The following GALNT17 variants were observed in gnomAD, a reference collection of about 807,000 sequenced individuals.
GALNT17 encodes the protein polypeptide N-acetylgalactosaminyltransferase 17, also known as UDP-GalNAc:polypeptide N-acetylgalactosaminyltransferase-like 3.
In GALNT17, 29 loss-of-function variants were observed where a neutral mutation model predicts 63.7. The observed-to-expected ratio is 0.46, with a 90% CI of 0.34 to 0.62. The LOEUF is 0.62. Among genes scored for constraint, GALNT17 ranks in the 20% least tolerant of loss-of-function variants. GALNT17 has a pLI of 0.01. For missense variants in GALNT17, 603 were observed against 799.6 expected, an observed-to-expected ratio of 0.75 and a Z score of 2.97; for synonymous variants, 305 against 318.3, an observed-to-expected ratio of 0.96 and a Z score of 0.45.
chr7:71,311,508 CAAAT>C (rs1791413524), intron 1 of GALNT17, among the ~76,000 whole-genome samples: 1 of 152,056 alleles, frequency 6.6e-6, no homozygotes, highest in African/African-American at 2.4e-5. Context: ...TTGTGGTGCC[CAAAT>C]TCAGGAAGAA....
chr7:71,313,913 G>T (rs908277746), intron 1 of GALNT17, among the ~76,000 whole-genome samples: 1 of 152,130 alleles, frequency 6.6e-6, no homozygotes, highest in Non-Finnish European at 1.5e-5. Context: ...TTAGCCTTGG[G>T]AAGGGATTAA....
rs146761444 is a variant in GALNT17 at position 71,340,260 on chromosome 7, A to G, written c.422+4527A>G. On this transcript the variant is annotated intron_variant, in intron 2 of 10. Transcript: ENST00000333538. ...ACTGCCCTTTCTCATCTGGCAGAAT[A>G]TGGGAGGTTTACTCCCTAGAGAAGA... 4.6e-5 allele frequency among the ~76,000 whole-genome samples: 7 copies of G among 152,340 alleles called. No homozygotes were observed. In the East Asian group the frequency reaches 1.4e-3, roughly 29 times the overall value.
At chr7:71,566,796 C>A (rs970042677) in intron 5 of GALNT17, among the ~76,000 whole-genome samples, 1 of 151,450 alleles carries the variant, frequency 6.6e-6, no homozygotes, top group Non-Finnish European at 1.5e-5. Flanking sequence ...ATTGCAAAGA[C>A]ACAAAGGACC....
chr7:71,490,841 A>G (rs1386970658), intron 5 of GALNT17, among the ~76,000 whole-genome samples: 2 of 152,140 alleles, frequency 1.3e-5, no homozygotes, highest in Non-Finnish European at 2.9e-5. Flanking sequence ...TCGAGGCAGC[A>G]GTGAGCTATG....
Position 71,470,078 on chromosome 7 carries a change from A to G in GALNT17, c.962+48973A>G, listed in dbSNP as rs1468649303. 2.6e-5 allele frequency among the ~76,000 whole-genome samples: 4 copies of G among 152,246 alleles called. No individual in the cohort carries two copies. The East Asian group carries it at 7.7e-4, about 29-fold the overall frequency. On this transcript the variant is annotated intron_variant, in intron 5 of 10. Transcript: ENST00000333538. The stretch of plus-strand genomic sequence containing the variant: ...AAAAAACGTAGCCGTGCATGGTGGC[A>G]GATGTCCATAATCCCAGCTACTCAG...
At chr7:71,546,178 T>G (rs1158669569) in intron 5 of GALNT17, among the ~76,000 whole-genome samples, 3 of 151,192 alleles carry the variant, frequency 2.0e-5, no homozygotes, top group African/African-American at 7.3e-5. Flanking sequence ...TTTTTTTTTT[T>G]GAGATAGCAT....
chr7:71,222,505 T>G (rs545499677), intron 1 of GALNT17, among the ~76,000 whole-genome samples: 3 of 152,062 alleles, frequency 2.0e-5, no homozygotes, highest in African/African-American at 7.2e-5. Context: ...TTGTCCAGGC[T>G]GGTCTTGAAC....
At chr7:71,302,818 T>G (rs1202337629) in intron 1 of GALNT17, among the ~76,000 whole-genome samples, 1 of 152,218 alleles carries the variant, frequency 6.6e-6, no homozygotes, top group African/African-American at 2.4e-5. Context: ...ATGCATGTAA[T>G]TAACATACTA....
At chr7:71,245,689 G>A (rs1040932508) in intron 1 of GALNT17, among the ~76,000 whole-genome samples, 1 of 152,122 alleles carries the variant, frequency 6.6e-6, no homozygotes, top group Non-Finnish European at 1.5e-5. Flanking sequence ...TAGAGATAAT[G>A]AAGGTGAGTT....
chr7:71,155,685 C>T (rs1585844267), intron 1 of GALNT17, among the ~76,000 whole-genome samples: 1 of 151,622 alleles, frequency 6.6e-6, no homozygotes, highest in Non-Finnish European at 1.5e-5. Context: ...TACTGATTTT[C>T]TACTTTTTGT....
rs528724563 is a variant in GALNT17 at position 71,289,502 on chromosome 7, G to A, written c.239-46048G>A. Among the ~76,000 whole-genome samples, 8 of 152,188 alleles carry A rather than the reference G, an allele frequency of 5.3e-5. No individual in the cohort carries two copies. The East Asian group carries it at 1.2e-3, about 22-fold the overall frequency. ...TGTAATCCCAGCACTTTGGGAGGCCGAGGAGGGCGGATCACTTGAGGTCAG... is the reference window on the plus strand; with the variant it reads ...TGTAATCCCAGCACTTTGGGAGGCCAAGGAGGGCGGATCACTTGAGGTCAG... On this transcript the variant is annotated intron_variant, in intron 1 of 10. Transcript: ENST00000333538.
chr7:71,428,247 C>T (rs1786796494), intron 5 of GALNT17, among the ~76,000 whole-genome samples: 1 of 152,182 alleles, frequency 6.6e-6, no homozygotes, highest in Non-Finnish European at 1.5e-5. Context: ...CAGTCACTTC[C>T]TATTCCTCCC....
At chr7:71,645,187 T>C (rs987325841) in intron 6 of GALNT17, among the ~76,000 whole-genome samples, 1 of 152,248 alleles carries the variant, frequency 6.6e-6, no homozygotes, top group Non-Finnish European at 1.5e-5. Flanking sequence ...GCGCCAAAGC[T>C]GACACCAACT....
chr7:71,664,958 T>A (rs1290816076), intron 6 of GALNT17, among the ~76,000 whole-genome samples: 1 of 152,080 alleles, frequency 6.6e-6, no homozygotes, highest in Non-Finnish European at 1.5e-5. Flanking sequence ...AACCTTGAAC[T>A]CTCATTGGCA....
At chr7:71,575,963 C>T (rs1157209562) in intron 6 of GALNT17, among the ~76,000 whole-genome samples, 4 of 152,044 alleles carry the variant, frequency 2.6e-5, no homozygotes, top group Non-Finnish European at 4.4e-5. Context: ...TGAAAGGTTT[C>T]ATCTTGTTCT....
chr7:71,459,416 G>A (rs1787412962), intron 5 of GALNT17, among the ~76,000 whole-genome samples: 1 of 152,214 alleles, frequency 6.6e-6, no homozygotes, highest in Non-Finnish European at 1.5e-5. Context: ...TACACATTAA[G>A]ATAAGTTACA....
chr7:71,266,007 C>A (rs1411002452), intron 1 of GALNT17, among the ~76,000 whole-genome samples: 1 of 152,078 alleles, frequency 6.6e-6, no homozygotes, highest in African/African-American at 2.4e-5. Flanking sequence ...TAATTCATTC[C>A]TTTCCTCTCC....
At chr7:71,347,939 T>G (rs916040463) in intron 2 of GALNT17, among the ~76,000 whole-genome samples, 14 of 152,198 alleles carry the variant, frequency 9.2e-5, no homozygotes, top group African/African-American at 3.4e-4. Context: ...ATTTGATTTT[T>G]TCCACATATT....
chr7:71,145,173 C>G (rs905234587), intron 1 of GALNT17, among the ~76,000 whole-genome samples: 1 of 152,110 alleles, frequency 6.6e-6, no homozygotes, highest in Non-Finnish European at 1.5e-5. Context: ...TCAGGCCAGC[C>G]GATGTCAGCA....
Sources: allele counts gnomAD v4.1 joint callset (sites outside exome capture counted in the v4.1 genomes callset), GRCh38; gene constraint gnomAD v4.1.1; transcripts MANE v1.5; gene names NCBI Gene and HGNC (gene_info 2026-07-23, HGNC 2026-07-21).